The following NALF1 variants were observed in gnomAD, a reference collection of about 807,000 sequenced individuals.
NALF1 encodes the protein NALCN channel auxiliary factor 1, also known as family with sequence similarity 155 member A.
NALF1 carries 3 observed loss-of-function variants against 48.4 expected under a neutral mutation model. The ratio of observed to expected loss-of-function variants is 0.06; its 90% CI spans 0.03 to 0.16. NALF1 has a LOEUF of 0.16. NALF1 is among the 10% of genes least tolerant of loss of function. The pLI is 1.00. For synonymous variants in NALF1, 262 were observed against 245.7 expected, an observed-to-expected ratio of 1.07 and a Z score of -0.62; for missense variants, 526 against 571.5, an observed-to-expected ratio of 0.92 and a Z score of 0.81.
rs1384218848 is a variant in NALF1 at position 107,625,607 on chromosome 13, G to T, written c.915+240075C>A. Among the ~76,000 whole-genome samples, 3 of 152,102 alleles carry T rather than the reference G, an allele frequency of 2.0e-5. No individual in the cohort carries two copies. The East Asian group carries it at 5.8e-4, about 29-fold the overall frequency. The stretch of plus-strand genomic sequence containing the variant: ...TACATGCTTGAAAAATAAGTTATAA[G>T]GTCTTATTTGCTCCAATATCCATTT... On this transcript the variant is annotated intron_variant, in intron 1 of 2. Transcript: ENST00000375915.
intron 1 of NALF1, among the ~76,000 whole-genome samples, chr13:107,522,042 A>G (rs1261313859): frequency 7.9e-5 from 12 of 152,100 alleles, no homozygotes; most frequent in Non-Finnish European, 1.8e-4. Flanking sequence ...ACGATTTTCC[A>G]GGTTGCATGT....
At chr13:107,316,926 C>T (rs1460949006) in intron 1 of NALF1, among the ~76,000 whole-genome samples, 3 of 152,058 alleles carry the variant, frequency 2.0e-5, no homozygotes. Flanking sequence ...GTTAAGTCAT[C>T]ATTGCAATGA....
chr13:107,756,435 CTA>C (rs148971349), intron 1 of NALF1, among the ~76,000 whole-genome samples: 319 of 140,804 alleles, frequency 2.3e-3, no homozygotes, highest in African/African-American at 5.7e-3. Flanking sequence ...AGTTTAATGG[CTA>C]TATATATATA....
At chr13:107,850,625 A>G (rs546095793) in intron 1 of NALF1, among the ~76,000 whole-genome samples, 2 of 152,318 alleles carry the variant, frequency 1.3e-5, no homozygotes, top group East Asian at 3.9e-4. Flanking sequence ...TTGGCTGGCC[A>G]GGCACGGTGA....
chr13:107,482,858 T>C (rs1885274808), intron 1 of NALF1, among the ~76,000 whole-genome samples: 1 of 152,176 alleles, frequency 6.6e-6, no homozygotes, highest in Admixed American at 6.5e-5. Context: ...TAAATTTTAA[T>C]ATGTAAATCA....
At chr13:107,818,785 T>C (rs1258513298) in intron 1 of NALF1, among the ~76,000 whole-genome samples, 2 of 130,896 alleles carry the variant, frequency 1.5e-5, no homozygotes, top group African/African-American at 6.6e-5. Flanking sequence ...GGCAGGAGAA[T>C]GACGTGAACC....
chr13:107,391,922 C>T (rs979675072), intron 1 of NALF1, among the ~76,000 whole-genome samples: 2 of 152,106 alleles, frequency 1.3e-5, no homozygotes, highest in Non-Finnish European at 2.9e-5. Flanking sequence ...TCACAGGCCA[C>T]GGTCACTCTT....
intron 1 of NALF1, among the ~76,000 whole-genome samples, chr13:107,536,650 C>T (rs1876826421): frequency 6.6e-6 from 1 of 152,138 alleles, no homozygotes; most frequent in Admixed American, 6.6e-5. Context: ...ACTGGTTCAA[C>T]CATTGTGGAA....
intron 1 of NALF1, among the ~76,000 whole-genome samples, chr13:107,723,973 T>A (rs1876068993): frequency 6.6e-6 from 1 of 152,186 alleles, no homozygotes; most frequent in Non-Finnish European, 1.5e-5. Context: ...ATTGATAAAG[T>A]TATGTTCCAA....
intron 1 of NALF1, among the ~76,000 whole-genome samples, chr13:107,210,969 C>A (rs1201942333): frequency 6.6e-6 from 1 of 152,148 alleles, no homozygotes; most frequent in Non-Finnish European, 1.5e-5. Context: ...TTGATTGCAT[C>A]CCTAATAGAA....
rs544805480 is a variant in NALF1, at chr13:107,811,736, C to G, written c.915+53946G>C. On this transcript the variant is annotated intron_variant, in intron 1 of 2. Transcript: ENST00000375915. Reference sequence around the variant, plus strand: ...AAAGCTGGTAAGTCCAAGAATATGGCCCAGACATCTGGGGAGGGCCTCATC... The same window carrying G: ...AAAGCTGGTAAGTCCAAGAATATGGGCCAGACATCTGGGGAGGGCCTCATC... 2.0e-5 allele frequency among the ~76,000 whole-genome samples: 3 copies of G among 152,224 alleles called. No individual in the cohort carries two copies. The South Asian group carries it at 6.2e-4, about 32-fold the overall frequency.
intron 1 of NALF1, among the ~76,000 whole-genome samples, chr13:107,773,261 G>C (rs1415749100): frequency 6.6e-6 from 1 of 152,112 alleles, no homozygotes; most frequent in African/African-American, 2.4e-5. Flanking sequence ...TCAGAAATAT[G>C]AACTGAAGCA....
intron 1 of NALF1, among the ~76,000 whole-genome samples, chr13:107,504,635 C>A (rs1594099188): frequency 6.6e-6 from 1 of 152,042 alleles, no homozygotes; most frequent in East Asian, 1.9e-4. Context: ...ATCGAAGGCC[C>A]CCCTAAATAT....
At chr13:107,747,648 C>G (rs910184010) in intron 1 of NALF1, among the ~76,000 whole-genome samples, 2 of 152,170 alleles carry the variant, frequency 1.3e-5, no homozygotes, top group Non-Finnish European at 2.9e-5. Flanking sequence ...ACATCTTTCA[C>G]TTTTGTTAGA....
At chr13:107,527,983 A>T (rs1194291039) in intron 1 of NALF1, among the ~76,000 whole-genome samples, 2 of 152,184 alleles carry the variant, frequency 1.3e-5, no homozygotes, top group Non-Finnish European at 2.9e-5. Flanking sequence ...ATTTCAAAAG[A>T]AGTTAGTTTA....
At chr13:107,195,484 C>T (rs1879370355) in intron 2 of NALF1, among the ~76,000 whole-genome samples, 1 of 152,128 alleles carries the variant, frequency 6.6e-6, no homozygotes, top group South Asian at 2.1e-4. Context: ...TTCTCTGTAT[C>T]GCCTTTTCAC....
chr13:107,778,069 A>T (rs1254295116), intron 1 of NALF1, among the ~76,000 whole-genome samples: 1 of 152,208 alleles, frequency 6.6e-6, no homozygotes, highest in Non-Finnish European at 1.5e-5. Context: ...TTTTTAAATA[A>T]TTGACTCCAA....
In NALF1 at chr13:107,593,818, G is replaced by GA. The variant is rs56053087; in HGVS notation, c.915+271863dup. 2.0e-3 allele frequency among the ~76,000 whole-genome samples: 288 copies of GA among 146,234 alleles called. 1 individual carries two copies. The highest frequency in any genetic ancestry group is 5.2e-3 in the African/African-American group (210 of 40,088). On this transcript the variant is annotated intron_variant, in intron 1 of 2. Coordinates refer to ENST00000375915, the MANE Select transcript of NALF1 (RefSeq NM_001080396.3). Reference sequence around the variant, plus strand: ...ACTGCTTCTGGAATGTTTTCAACAGGAAAAAAAAAAAAACAGAAACGGAAA... The same window carrying GA: ...ACTGCTTCTGGAATGTTTTCAACAGGAAAAAAAAAAAAAACAGAAACGGAAA...
chr13:107,729,285 T>C (rs1325194837), intron 1 of NALF1, among the ~76,000 whole-genome samples: 1 of 152,178 alleles, frequency 6.6e-6, no homozygotes, highest in Non-Finnish European at 1.5e-5. Context: ...TCTGACAATT[T>C]ATGGAAAAAG....
Sources: gnomAD v4.1 joint callset for allele counts (sites outside exome capture counted in the v4.1 genomes callset) on GRCh38, gnomAD v4.1.1 for gene constraint, MANE v1.5 for transcripts, NCBI Gene and HGNC (gene_info 2026-07-23, HGNC 2026-07-21) for gene names.